CADPS: variants seen among roughly 807,000 people sequenced by gnomAD.
The protein encoded by CADPS is calcium dependent secretion activator.
Under a neutral mutation model 167.3 loss-of-function variants are expected in CADPS, and 57 were observed. The observed-to-expected ratio is 0.34, with a 90% CI of 0.28 to 0.42. The LOEUF (loss-of-function observed/expected upper bound fraction) is 0.42, where lower values mean the gene tolerates loss of function less well. Ranked by LOEUF, CADPS falls within the 20% of genes least tolerant of loss-of-function variation. The probability of loss-of-function intolerance (pLI) is 1.00; values close to 1 mark genes in which losing one functional copy is unlikely to be tolerated. For synonymous variants in CADPS, 676 were observed against 635.3 expected, an observed-to-expected ratio of 1.06 and a Z score of -0.96; for missense variants, 1,414 against 1,738.1, an observed-to-expected ratio of 0.81 and a Z score of 3.32.
At chr3:62,409,929 T>C (rs1230408020) in intron 28 of CADPS, among the ~76,000 whole-genome samples, 1 of 152,178 alleles carries the variant, frequency 6.6e-6, no homozygotes, top group African/African-American at 2.4e-5. Context: ...ACAAATCCAG[T>C]GAAAATAGTC....
intron 1 of CADPS, among the ~76,000 whole-genome samples, chr3:62,834,729 T>C (rs1027675510): frequency 2.0e-5 from 3 of 152,160 alleles, no homozygotes; most frequent in African/African-American, 7.2e-5. Context: ...ATTATCAAAT[T>C]TTATTTGCTC....
chr3:62,467,851 T>G (rs2060125216), intron 24 of CADPS, among the ~76,000 whole-genome samples: 3 of 152,054 alleles, frequency 2.0e-5, no homozygotes, highest in Non-Finnish European at 4.4e-5. Flanking sequence ...GTTTGGGAGA[T>G]CAAGTGAGAG....
At chr3:62,805,495 G>A (rs1016576204) in intron 1 of CADPS, among the ~76,000 whole-genome samples, 4 of 152,108 alleles carry the variant, frequency 2.6e-5, no homozygotes, top group African/African-American at 9.7e-5. Context: ...ATGCTATTAC[G>A]TAGTGTTTTT....
At chr3:62,707,177 C>A (rs1017928555) in intron 3 of CADPS, among the ~76,000 whole-genome samples, 2 of 152,094 alleles carry the variant, frequency 1.3e-5, no homozygotes, top group South Asian at 2.1e-4. Flanking sequence ...CACCTCCCAA[C>A]AGATCAGTGG....
intron 26 of CADPS, among the ~76,000 whole-genome samples, chr3:62,452,614 G>A (rs185026169): frequency 1.3e-5 from 2 of 152,274 alleles, no homozygotes; most frequent in Admixed American, 1.3e-4. Flanking sequence ...AAAGATATGG[G>A]TGTCATAGTC....
In CADPS at chr3:62,684,939, A is replaced by T. The variant is rs996455047; in HGVS notation, c.889-22545T>A. Among the ~76,000 whole-genome samples, 3 of 152,196 alleles carry T rather than the reference A, an allele frequency of 2.0e-5. No homozygotes were observed. In the East Asian group the frequency reaches 5.8e-4, roughly 30 times the overall value. On this transcript the variant is annotated intron_variant, in intron 3 of 29. Coordinates refer to ENST00000383710, the MANE Select transcript of CADPS (RefSeq NM_003716.4). ...CTCTCTTCTTGATAGAAGTGAAAGG[A>T]ACTGTAAGAAAACCCTATGGCAGGT... is the stretch of plus-strand genomic sequence containing the variant.
chr3:62,633,606 G>A (rs1275897841), intron 6 of CADPS, among the ~76,000 whole-genome samples: 1 of 151,968 alleles, frequency 6.6e-6, no homozygotes, highest in African/African-American at 2.4e-5. Flanking sequence ...TACATAACTG[G>A]TTCCCTCTTG....
chr3:62,742,805 T>G (rs58178858), intron 3 of CADPS, among the ~76,000 whole-genome samples: 26,727 of 152,040 alleles, frequency 0.18, 3,468 homozygotes, highest in African/African-American at 0.37. Context: ...AGCTTCTGCA[T>G]AGCAAAACAA....
chr3:62,465,498 G>T lies in CADPS; in HGVS notation c.3553-48C>A. On this transcript the variant is annotated intron_variant, in intron 25 of 29. Coordinates refer to ENST00000383710, the MANE Select transcript of CADPS (RefSeq NM_003716.4). The surrounding 1 kb of genome is among the most constrained non-coding windows in gnomAD (Gnocchi z 4.1). ...AAAAATGTTATTTCAAACTATAATTGTTCACCATAAAGCACATCATTTCCC... is the reference window on the plus strand; with the variant it reads ...AAAAATGTTATTTCAAACTATAATTTTTCACCATAAAGCACATCATTTCCC... 1 of 1,340,452 alleles carries T rather than the reference G, an allele frequency of 7.5e-7. No homozygotes were observed. Among genetic ancestry groups the T allele is most frequent in the South Asian group, 1.2e-5 (1 of 80,470 alleles). 83.0% of individuals were successfully genotyped at this position (1,340,452 alleles called of 1,614,324 possible). A position where few individuals can be genotyped will look rare whatever the true frequency, so the allele number is the denominator to read the frequency against.
intron 6 of CADPS, among the ~76,000 whole-genome samples, chr3:62,604,109 T>A (rs940597905): frequency 6.6e-6 from 1 of 152,082 alleles, no homozygotes; most frequent in African/African-American, 2.4e-5. Context: ...GGATTACAGG[T>A]GTGAGCCACC....
At chr3:62,473,758 T>C (rs1263584483) in intron 24 of CADPS, 1 of 154,064 alleles carries the variant, frequency 6.5e-6, no homozygotes, top group Admixed American at 6.5e-5. Context: ...GATCTAACAT[T>C]ATACATCCTG....
At chr3:62,845,635 T>A (rs2077296064) in intron 1 of CADPS, among the ~76,000 whole-genome samples, 1 of 152,222 alleles carries the variant, frequency 6.6e-6, no homozygotes, top group South Asian at 2.1e-4. Context: ...GGTTTTGGCA[T>A]GTGATTTGTT....
chr3:62,664,600 T>C (rs1460733245), intron 3 of CADPS, among the ~76,000 whole-genome samples: 1 of 152,244 alleles, frequency 6.6e-6, no homozygotes, highest in Admixed American at 6.5e-5. Context: ...CACTCAGAAA[T>C]GTCTTGTTCA....
At chr3:62,852,251 G>C (rs577873301) in intron 1 of CADPS, among the ~76,000 whole-genome samples, 1 of 151,330 alleles carries the variant, frequency 6.6e-6, no homozygotes, top group African/African-American at 2.4e-5. Context: ...TAATTTGATC[G>C]TCTGAAGCCT....
At chr3:62,683,479 G>GATTTACAGAAAAGTAGCAAAGAT (rs2077472391) in intron 3 of CADPS, among the ~76,000 whole-genome samples, 1 of 152,000 alleles carries the variant, frequency 6.6e-6, no homozygotes, top group Admixed American at 6.6e-5. Context: ...AATCATTTTA[G>GATTTACAGAAAAGTAGCAAAGAT]ATTTACAGAA....
chr3:62,639,668 T>C (rs1185392095), intron 6 of CADPS, among the ~76,000 whole-genome samples: 3 of 152,204 alleles, frequency 2.0e-5, no homozygotes, highest in Non-Finnish European at 4.4e-5. Flanking sequence ...GGTTTCAAGA[T>C]GGAAATACAA....
At chr3:62,405,250 C>A (rs2149111475) in intron 28 of CADPS, among the ~76,000 whole-genome samples, 1 of 151,800 alleles carries the variant, frequency 6.6e-6, no homozygotes, top group Non-Finnish European at 1.5e-5. Flanking sequence ...AACTCCTGGC[C>A]AAACCTACAA....
chr3:62,686,033 T>C (rs2077967916), intron 3 of CADPS, among the ~76,000 whole-genome samples: 1 of 152,078 alleles, frequency 6.6e-6, no homozygotes, highest in East Asian at 1.9e-4. Context: ...ATGATGGACA[T>C]ACTAATTACC....
chr3:62,534,959 G>C (rs979610796), intron 12 of CADPS, among the ~76,000 whole-genome samples: 1 of 151,970 alleles, frequency 6.6e-6, no homozygotes, highest in African/African-American at 2.4e-5. Flanking sequence ...TTTTTTTAGA[G>C]AGCATTTATA....
Sources: gnomAD v4.1 joint callset for allele counts (sites outside exome capture counted in the v4.1 genomes callset) on GRCh38, gnomAD v4.1.1 for gene constraint, Gnocchi (gnomAD v3.1) non-coding constraint, MANE v1.5 for transcripts, NCBI Gene and HGNC (gene_info 2026-07-23, HGNC 2026-07-21) for gene names.